The following FOXP1 variants were observed in gnomAD, a reference collection of about 807,000 sequenced individuals.
FOXP1 encodes the protein forkhead box protein P1.
FOXP1 carries 15 observed loss-of-function variants against 98.2 expected under a neutral mutation model. That is an observed-to-expected ratio of 0.15 (90% confidence interval 0.10 to 0.24). The LOEUF (loss-of-function observed/expected upper bound fraction) is 0.24. Among genes scored for constraint, FOXP1 ranks in the 10% least tolerant of loss-of-function variants. FOXP1 has a pLI of 1.00. For synonymous variants in FOXP1, 371 were observed against 314.5 expected (o/e 1.18, Z -1.90); for missense variants, 633 against 848.5 (o/e 0.75, Z 3.15).
chr3:71,490,472 T>C (rs1215874353), intron 3 of FOXP1, among the ~76,000 whole-genome samples: 3 of 151,434 alleles, frequency 2.0e-5, no homozygotes, highest in Non-Finnish European at 4.4e-5. Context: ...CATTCCAGCC[T>C]GGGTGACAAG....
At chr3:71,268,924 T>A (rs993207565) in intron 5 of FOXP1, among the ~76,000 whole-genome samples, 13 of 152,074 alleles carry the variant, frequency 8.5e-5, no homozygotes, top group Non-Finnish European at 1.9e-4. Context: ...CCAGCCTGTA[T>A]CATTACTTCT....
At chr3:71,051,886 T>A (rs1364242683) in intron 9 of FOXP1, among the ~76,000 whole-genome samples, 4 of 152,174 alleles carry the variant, frequency 2.6e-5, no homozygotes, top group Admixed American at 6.5e-5. Context: ...TGATAAGTTA[T>A]GGACACTACC....
At chr3:71,251,591 A>C (rs1259095253) in intron 5 of FOXP1, among the ~76,000 whole-genome samples, 1 of 152,204 alleles carries the variant, frequency 6.6e-6, no homozygotes, top group Non-Finnish European at 1.5e-5. Context: ...TGGGGTGGGA[A>C]ACATCCAGAA....
At chr3:71,139,928 G>T (rs1313736382) in intron 6 of FOXP1, among the ~76,000 whole-genome samples, 1 of 151,920 alleles carries the variant, frequency 6.6e-6, no homozygotes, top group Non-Finnish European at 1.5e-5. Flanking sequence ...GCACTACAAG[G>T]TTCCTAAGTG....
chr3:71,082,818 G>A (rs757518302), intron 7 of FOXP1, among the ~76,000 whole-genome samples: 1 of 152,128 alleles, frequency 6.6e-6, no homozygotes, highest in African/African-American at 2.4e-5. Context: ...GGGATTAAAC[G>A]TCGAATTGTC....
At chr3:71,160,322 A>G (rs1251490051) in intron 6 of FOXP1, among the ~76,000 whole-genome samples, 2 of 152,198 alleles carry the variant, frequency 1.3e-5, no homozygotes, top group Non-Finnish European at 2.9e-5. Flanking sequence ...TGGTCTCAGC[A>G]TTGGCTCTAG....
chr3:71,003,672 G>A (rs1346198221), intron 12 of FOXP1, among the ~76,000 whole-genome samples: 1 of 152,106 alleles, frequency 6.6e-6, no homozygotes, highest in East Asian at 1.9e-4. Flanking sequence ...ATATAAAATG[G>A]TCGAGATAAG....
intron 3 of FOXP1, among the ~76,000 whole-genome samples, chr3:71,396,310 T>C (rs562664279): frequency 1.3e-5 from 2 of 152,206 alleles, no homozygotes; most frequent in Admixed American, 1.3e-4. Context: ...ATTGCAACCA[T>C]ACCTAGCAGA....
At chr3:71,390,577 T>C (rs927333931) in intron 3 of FOXP1, among the ~76,000 whole-genome samples, 3 of 17,446 alleles carry the variant, frequency 1.7e-4, no homozygotes, top group African/African-American at 7.2e-4. Context: ...GTGTGTGTGG[T>C]GGGGAGGGGG....
At chr3:71,259,626 A>G (rs2068927796) in intron 5 of FOXP1, among the ~76,000 whole-genome samples, 1 of 152,160 alleles carries the variant, frequency 6.6e-6, no homozygotes, top group Non-Finnish European at 1.5e-5. Context: ...GACGAACTAG[A>G]TGGTTTGTGA....
At chr3:70,988,253 T>C (rs931795826) in intron 13 of FOXP1, among the ~76,000 whole-genome samples, 176 bp from the exon 14 acceptor site, 1 of 152,236 alleles carries the variant, frequency 6.6e-6, no homozygotes, top group African/African-American at 2.4e-5. Context: ...ACCGGAGGTG[T>C]TGGTGTGAGA....
At chr3:71,141,230 C>T (rs570970609) in intron 6 of FOXP1, among the ~76,000 whole-genome samples, 34 of 144,666 alleles carry the variant, frequency 2.4e-4, no homozygotes, top group Admixed American at 8.4e-4. Context: ...ATGGCACCAC[C>T]GCATTCCAGC....
chr3:71,540,710 C>T (rs2044735604), intron 2 of FOXP1, among the ~76,000 whole-genome samples: 1 of 152,172 alleles, frequency 6.6e-6, no homozygotes, highest in Non-Finnish European at 1.5e-5. Context: ...CTCCAAACTG[C>T]CACCGTTGGC....
At chr3:70,974,890 A>C (rs1485874279) in intron 17 of FOXP1, among the ~76,000 whole-genome samples, 1 of 152,222 alleles carries the variant, frequency 6.6e-6, no homozygotes, top group East Asian at 1.9e-4. Flanking sequence ...ATGTGAGTAA[A>C]GACACAAAGC....
intron 2 of FOXP1, among the ~76,000 whole-genome samples, chr3:71,521,757 A>C (rs926118162): frequency 3.9e-5 from 6 of 152,132 alleles, no homozygotes; most frequent in Non-Finnish European, 7.4e-5. Context: ...TGAGGAGAGG[A>C]GATCTGGCCA....
At chr3:71,396,956 ATATATATGTGTGTATATATATATATGTG>A (rs1245065401) in intron 3 of FOXP1, among the ~76,000 whole-genome samples, 3,060 of 52,920 alleles carry the variant, frequency 0.058, 486 homozygotes, top group Non-Finnish European at 0.089. Context: ...ATGTGTATAT[ATATATATGTGTGTATATATATATATGTG>A]TATATATATA....
chr3:71,494,624 A>G (rs1338397011), intron 2 of FOXP1, among the ~76,000 whole-genome samples: 2 of 152,184 alleles, frequency 1.3e-5, no homozygotes, highest in Non-Finnish European at 2.9e-5. Flanking sequence ...GTCCAGATGT[A>G]TTCTAGATTG....
chr3:71,068,919 C>T (rs944733810), intron 7 of FOXP1, among the ~76,000 whole-genome samples: 12 of 152,158 alleles, frequency 7.9e-5, no homozygotes, highest in Admixed American at 2.0e-4. Flanking sequence ...ACAGCAATGC[C>T]CCATTCCTGA....
At chr3:71,096,372 G>A (rs1205652309) in intron 7 of FOXP1, among the ~76,000 whole-genome samples, 2 of 152,074 alleles carry the variant, frequency 1.3e-5, no homozygotes, top group Non-Finnish European at 2.9e-5. Flanking sequence ...TAAGAGTTCC[G>A]GAGCCTAACT....
Sources: allele counts gnomAD v4.1 joint callset (sites outside exome capture counted in the v4.1 genomes callset), GRCh38; gene constraint gnomAD v4.1.1; transcripts MANE v1.5; gene names NCBI Gene and HGNC (gene_info 2026-07-23, HGNC 2026-07-21).